The following TEF variants were observed in gnomAD, a reference collection of about 807,000 sequenced individuals.
TEF encodes thyrotroph embryonic factor.
TEF carries 3 observed loss-of-function variants against 20.8 expected under a neutral mutation model. The ratio of observed to expected loss-of-function variants is 0.14; its 90% CI spans 0.07 to 0.37. The LOEUF (loss-of-function observed/expected upper bound fraction) is 0.37, where lower values mean the gene tolerates loss of function less well. Ranked by LOEUF, TEF falls within the 10% of genes least tolerant of loss-of-function variation. The pLI is 1.00. For missense variants in TEF, 296 were observed against 397.9 expected (o/e 0.74, Z 2.18); for synonymous variants, 180 against 171.1 (o/e 1.05, Z -0.41).
chr22:41,394,081 CT>C lies in TEF; in HGVS notation c.476-14del. 1 of 1,612,590 alleles carries C rather than the reference CT, an allele frequency of 6.2e-7. No homozygotes were observed. Among genetic ancestry groups the C allele is most frequent in the Non-Finnish European group, 8.5e-7 (1 of 1,179,104 alleles). On this transcript the variant is annotated splice_polypyrimidine_tract_variant and intron_variant, in intron 2 of 3. Coordinates refer to ENST00000266304, the MANE Select transcript of TEF (RefSeq NM_003216.4). ...AGTGGGCTGCTTCGGGACCACCTGT[CT>C]CTGTGTCTTTTAGAATCTTCCCTGG...
intron 1 of TEF, among the ~76,000 whole-genome samples, chr22:41,384,790 T>G (rs1233990531): frequency 6.6e-6 from 1 of 152,072 alleles, no homozygotes; most frequent in Non-Finnish European, 1.5e-5. Flanking sequence ...TTCGCCCTCG[T>G]TGTCCAGGCT....
At chr22:41,368,947 G>T in intron 1 of TEF, 3 of 512,194 alleles carry the variant, frequency 5.9e-6, no homozygotes, top group Non-Finnish European at 7.5e-6. Flanking sequence ...TGACTTTTTT[G>T]GCATCTCTGA....
intron 1 of TEF, among the ~76,000 whole-genome samples, chr22:41,386,248 G>T (rs1217575780): frequency 6.6e-6 from 1 of 152,156 alleles, no homozygotes; most frequent in East Asian, 1.9e-4. Context: ...AAACCAGTCT[G>T]GCCAACATGT....
intron 1 of TEF, among the ~76,000 whole-genome samples, chr22:41,374,830 G>A (rs1333162763): frequency 5.9e-5 from 9 of 152,186 alleles, no homozygotes; most frequent in Admixed American, 2.6e-4. Context: ...AGGAGGAGGT[G>A]GAGGAAGAAG....
chr22:41,368,385 C>T (rs1306590121), intron 1 of TEF, among the ~76,000 whole-genome samples: 6 of 152,112 alleles, frequency 3.9e-5, no homozygotes, highest in South Asian at 2.1e-4. Context: ...GACTTGAGCA[C>T]CTGGGGTGTC....
chr22:41,378,755 A>C (rs573344319), upstream of TEF, among the ~76,000 whole-genome samples: 2 of 150,418 alleles, frequency 1.3e-5, no homozygotes, highest in Admixed American at 1.3e-4. Flanking sequence ...TACATGGGTG[A>C]GCCACCACGC....
intron 3 of TEF, 88 bp from the exon 4 acceptor site, chr22:41,395,657 A>G (rs2037218333): frequency 7.5e-7 from 1 of 1,328,464 alleles, no homozygotes. Context: ...ACACCAGATG[A>G]GTTAGGGGAA....
Position 41,387,400 on chromosome 22 carries a change from C to T in TEF, c.207C>T (p.Ala69=). 1.2e-6 allele frequency: 2 copies of T among 1,614,214 alleles called. No homozygotes were observed. The highest frequency in any genetic ancestry group is 1.7e-5 in the Admixed American group (1 of 60,018). Residue 69 remains alanine (A), a synonymous_variant, in exon 2 of 4, where the codon GCC becomes GCT. Coordinates refer to ENST00000266304, the MANE Select transcript of TEF (RefSeq NM_003216.4). ...EKLEEDEAAA[A]STMAVSASLM... ...TGGAGGAGGACGAGGCCGCAGCCGC[C>T]AGCACCATGGCTGTCTCAGCCTCCC...
At position 41,392,156 on chromosome 22, in the gene TEF, A is replaced by G. The variant is rs147520511; in HGVS notation, c.476-1940A>G. ...GGCCAAAGGTATAGTTTTTCTTAAT[A>G]TAACTCTTATCTCTAATAACACACA... On this transcript the variant is annotated intron_variant, in intron 2 of 3. Transcript: ENST00000266304. Among the ~76,000 whole-genome samples, 10 of 152,318 alleles carry G rather than the reference A, an allele frequency of 6.6e-5. No homozygotes were observed. The East Asian group carries it at 1.9e-3, about 29-fold the overall frequency.
intron 1 of TEF, among the ~76,000 whole-genome samples, chr22:41,375,176 T>A (rs2036925447): frequency 6.6e-6 from 1 of 152,182 alleles, no homozygotes; most frequent in Non-Finnish European, 1.5e-5. Context: ...GACCAAGCCC[T>A]GGTAGCGGAC....
chr22:41,381,906 C>T (rs141806965), upstream of TEF: 373 of 1,226,144 alleles, frequency 3.0e-4, 3 homozygotes, highest in African/African-American at 5.1e-3. Context: ...GGCGGGGTAG[C>T]GATGGAAGGA....
chr22:41,378,639 C>T (rs1175660367), upstream of TEF, among the ~76,000 whole-genome samples: 2 of 151,968 alleles, frequency 1.3e-5, no homozygotes, highest in Admixed American at 6.6e-5. Context: ...CCACTGTGCC[C>T]GGCTATATTC....
intron 1 of TEF, among the ~76,000 whole-genome samples, chr22:41,386,629 T>C (rs73176689): frequency 0.21 from 31,063 of 149,510 alleles, 3,968 homozygotes; most frequent in Admixed American, 0.4. Context: ...GTAATCCCAG[T>C]TTACTGGGGA....
upstream of TEF, among the ~76,000 whole-genome samples, chr22:41,379,808 G>T (rs535310286): frequency 2.9e-3 from 433 of 148,968 alleles, 1 homozygote; most frequent in Non-Finnish European, 5.2e-3. Context: ...CAGGAGAATC[G>T]CTTGAACCTG....
chr22:41,384,556 T>G (rs1347080367), intron 1 of TEF, among the ~76,000 whole-genome samples: 1 of 152,194 alleles, frequency 6.6e-6, no homozygotes, highest in Non-Finnish European at 1.5e-5. Flanking sequence ...AAAAGACAGC[T>G]CCAGGCCCTT....
upstream of TEF, among the ~76,000 whole-genome samples, chr22:41,381,648 C>T (rs2037024447): frequency 6.6e-6 from 1 of 152,122 alleles, no homozygotes; most frequent in Non-Finnish European, 1.5e-5. Flanking sequence ...AGGGAAGGGA[C>T]CGCGCCGAGG....
In TEF at chr22:41,381,973, G is replaced by C; in HGVS notation, c.-72G>C. On this transcript the variant is annotated 5_prime_UTR_variant, in exon 1 of 4. Coordinates refer to ENST00000266304, the MANE Select transcript of TEF (RefSeq NM_003216.4). The stretch of plus-strand genomic sequence containing the variant: ...GCTGCCCGTGTCGGCAGCTGCAGCG[G>C]GTCGCACGGCTCCGGCCCATCTCGG... The C allele has an allele frequency of 8.1e-7, 1 of 1,228,400 alleles. No individual in the cohort carries two copies. The highest frequency in any genetic ancestry group is 1.0e-6 in the Non-Finnish European group (1 of 985,862). The allele number at this position is 1,228,400 out of a possible 1,614,324, so 76.1% of individuals were successfully genotyped here. A position where few individuals can be genotyped will look rare whatever the true frequency, so the allele number is the denominator to read the frequency against.
At chr22:41,378,640 G>A (rs188768151), upstream of TEF, among the ~76,000 whole-genome samples, 60 of 151,664 alleles carry the variant, frequency 4.0e-4, 1 homozygote, top group Admixed American at 3.5e-3. Context: ...CACTGTGCCC[G>A]GCTATATTCT....
At chr22:41,389,216 C>T (rs1211390592) in intron 2 of TEF, among the ~76,000 whole-genome samples, 2 of 151,946 alleles carry the variant, frequency 1.3e-5, no homozygotes, top group South Asian at 2.1e-4. Flanking sequence ...CTGGTTAACA[C>T]GGTGAAACCC....
Sources: allele counts gnomAD v4.1 joint callset (sites outside exome capture counted in the v4.1 genomes callset), GRCh38; gene constraint gnomAD v4.1.1; transcripts MANE v1.5; gene names NCBI Gene and HGNC (gene_info 2026-07-23, HGNC 2026-07-21).